The following NAALADL2 variants were observed in gnomAD, a reference collection of about 807,000 sequenced individuals.
The protein encoded by NAALADL2 is N-acetylated alpha-linked acidic dipeptidase like 2, also known as inactive N-acetylated-alpha-linked acidic dipeptidase-like protein 2.
A neutral mutation model predicts 87.2 loss-of-function variants in NAALADL2; 76 were observed. That is an observed-to-expected ratio of 0.87 (90% confidence interval 0.72 to 1.05). The LOEUF (loss-of-function observed/expected upper bound fraction) is 1.05. Among genes scored for constraint, NAALADL2 ranks in the 50% least tolerant of loss-of-function variants. The pLI is 0.00. For synonymous variants in NAALADL2, 354 were observed against 331.0 expected (o/e 1.07, Z -0.75); for missense variants, 1,089 against 945.8 (o/e 1.15, Z -1.99).
In NAALADL2 at chr3:175,267,769, A is replaced by G. The variant is rs186923089; in HGVS notation, c.939+11239A>G. On this transcript the variant is annotated intron_variant, in intron 4 of 13. Coordinates refer to ENST00000454872, the MANE Select transcript of NAALADL2 (RefSeq NM_207015.3). ...TCCACATTTGTTTATACTTAAAATGAATTTCCAACCTCACATCCCATGAGT... is the reference window on the plus strand; with the variant it reads ...TCCACATTTGTTTATACTTAAAATGGATTTCCAACCTCACATCCCATGAGT... 5.3e-5 allele frequency among the ~76,000 whole-genome samples: 8 copies of G among 152,212 alleles called. No homozygotes were observed. In the East Asian group the frequency reaches 1.4e-3, roughly 26 times the overall value.
chr3:175,121,139 T>C (rs6765955), intron 2 of NAALADL2, among the ~76,000 whole-genome samples: 91,718 of 151,598 alleles, frequency 0.61, 28,261 homozygotes, highest in African/African-American at 0.73. Flanking sequence ...GTAATAAGGT[T>C]GAATCTGTTT....
chr3:175,597,292 A>G (rs1283193219), intron 10 of NAALADL2, among the ~76,000 whole-genome samples: 1 of 151,978 alleles, frequency 6.6e-6, no homozygotes, highest in Admixed American at 6.6e-5. Context: ...ATATGGATAT[A>G]AAAGTTGAGG....
intron 1 of NAALADL2, among the ~76,000 whole-genome samples, chr3:174,910,965 C>T (rs1733613406): frequency 6.6e-6 from 1 of 152,088 alleles, no homozygotes; most frequent in South Asian, 2.1e-4. Flanking sequence ...ATATGAGCTT[C>T]CAGGCTGCAC....
chr3:175,720,234 A>T (rs1243612571), intron 11 of NAALADL2, among the ~76,000 whole-genome samples: 1 of 151,528 alleles, frequency 6.6e-6, no homozygotes, highest in Non-Finnish European at 1.5e-5. Context: ...ATAAACTATA[A>T]GAGTTTTTTG....
intron 2 of NAALADL2, among the ~76,000 whole-genome samples, chr3:174,583,403 T>C (rs1716375656): frequency 6.6e-6 from 1 of 152,210 alleles, no homozygotes; most frequent in South Asian, 2.1e-4. Context: ...AGCAAGATAT[T>C]TTAGTTAACC....
At chr3:174,519,576 C>G (rs1720142861) in intron 1 of NAALADL2, among the ~76,000 whole-genome samples, 1 of 151,906 alleles carries the variant, frequency 6.6e-6, no homozygotes, top group African/African-American at 2.4e-5. Context: ...GGTGATCCAC[C>G]CATTTCGGCC....
At chr3:175,107,721 C>A in intron 2 of NAALADL2, among the ~76,000 whole-genome samples, 1 of 151,194 alleles carries the variant, frequency 6.6e-6, no homozygotes, top group African/African-American at 2.4e-5. Flanking sequence ...TAGAAATTAC[C>A]AATGTTCATT....
intron 9 of NAALADL2, among the ~76,000 whole-genome samples, chr3:175,565,828 C>A (rs903705099): frequency 2.5e-5 from 3 of 119,518 alleles, no homozygotes; most frequent in South Asian, 3.3e-4. Context: ...AAGCCCCCCC[C>A]CTTTTTTTTT....
intron 9 of NAALADL2, among the ~76,000 whole-genome samples, chr3:175,565,182 C>T (rs1716908297): frequency 1.3e-5 from 2 of 152,152 alleles, no homozygotes; most frequent in African/African-American, 4.8e-5. Flanking sequence ...AAGTTAGAAA[C>T]TTCTGCCTGC....
intron 1 of NAALADL2, among the ~76,000 whole-genome samples, chr3:175,069,577 G>C (rs1254234176): frequency 4.0e-5 from 6 of 150,448 alleles, no homozygotes; most frequent in Non-Finnish European, 7.4e-5. Context: ...CTGTAAACTA[G>C]TTCAACCATT....
At chr3:174,713,919 T>G (rs527537514) in intron 2 of NAALADL2, among the ~76,000 whole-genome samples, 30 of 152,164 alleles carry the variant, frequency 2.0e-4, no homozygotes, top group African/African-American at 7.2e-4. Context: ...TCTTCTAGGG[T>G]TTTTATGGTT....
chr3:174,582,203 T>C (rs897331357), intron 2 of NAALADL2, among the ~76,000 whole-genome samples: 1 of 152,118 alleles, frequency 6.6e-6, no homozygotes. Flanking sequence ...ATCTTGAAGG[T>C]TTTCGTGGAA....
chr3:175,499,539 A>C (rs1729259960), intron 9 of NAALADL2, among the ~76,000 whole-genome samples: 1 of 151,134 alleles, frequency 6.6e-6, no homozygotes, highest in South Asian at 2.1e-4. Context: ...CTGAGGTTTT[A>C]GTTCTTAGAT....
At chr3:175,563,630 G>C (rs1031169124) in intron 9 of NAALADL2, among the ~76,000 whole-genome samples, 1 of 152,086 alleles carries the variant, frequency 6.6e-6, no homozygotes, top group Non-Finnish European at 1.5e-5. Context: ...ATTTTATTGT[G>C]CTGATCAATA....
intron 3 of NAALADL2, among the ~76,000 whole-genome samples, chr3:174,847,652 C>T (rs529766425): frequency 1.3e-4 from 20 of 152,200 alleles, no homozygotes; most frequent in Middle Eastern, 3.4e-3. Context: ...AATATTATCT[C>T]ATTTGATTCC....
intron 11 of NAALADL2, among the ~76,000 whole-genome samples, chr3:175,709,519 C>T (rs188626481): frequency 7.9e-5 from 12 of 152,168 alleles, no homozygotes; most frequent in African/African-American, 2.6e-4. Context: ...CCATTGGTAG[C>T]GCCTGTGAAG....
At chr3:175,244,711 C>A (rs1480564277) in intron 3 of NAALADL2, among the ~76,000 whole-genome samples, 1 of 152,122 alleles carries the variant, frequency 6.6e-6, no homozygotes, top group African/African-American at 2.4e-5. Context: ...GTACTTACTG[C>A]CGTCTAAAAA....
rs1489107883 is a variant in NAALADL2 at position 175,576,105 on chromosome 3, T to C, written c.1718T>C (p.Ile573Thr). 7.4e-6 allele frequency: 12 copies of C among 1,613,410 alleles called. No homozygotes were observed. The Admixed American group carries it at 1.8e-4, about 25-fold the overall frequency. The change falls in exon 10 of 14, where the codon ATA (isoleucine) becomes ACA (threonine). Residue 573 changes from isoleucine to threonine, a missense_variant. Coordinates refer to ENST00000454872, the MANE Select transcript of NAALADL2 (RefSeq NM_207015.3). The part of the protein sequence containing the change: ...CPETNISSIQ[I>T]QGDADYFINH... Reference sequence around the variant, plus strand: ...GAAACCAATATCAGTTCTATACAGATACAAGGTGATGCTGATTATTTCATC... The same window carrying C: ...GAAACCAATATCAGTTCTATACAGACACAAGGTGATGCTGATTATTTCATC...
At chr3:174,767,811 T>C (rs1818563) in intron 3 of NAALADL2, among the ~76,000 whole-genome samples, 35,950 of 152,144 alleles carry the variant, frequency 0.24, 4,438 homozygotes, top group Middle Eastern at 0.3. Context: ...ATGTTTGTTT[T>C]CCTGTGAAGT....
Sources: allele counts gnomAD v4.1 joint callset (sites outside exome capture counted in the v4.1 genomes callset), GRCh38; gene constraint gnomAD v4.1.1; transcripts MANE v1.5; gene names NCBI Gene and HGNC (gene_info 2026-07-23, HGNC 2026-07-21).